The following MIR2052HG variants were observed in gnomAD, a reference collection of about 807,000 sequenced individuals.
MIR2052HG encodes the protein MIR2052 host gene.
chr8:74,698,235 C>A (rs926153358), intron 2 of MIR2052HG, among the ~76,000 whole-genome samples: 9 of 151,742 alleles, frequency 5.9e-5, no homozygotes. Context: ...TTTAACAATA[C>A]AAACAAAAAC....
chr8:74,655,642 AGGCAAAAGTTTGCTGCAGGGGTG>A (rs1450177660), intron 2 of MIR2052HG, among the ~76,000 whole-genome samples: 1 of 152,244 alleles, frequency 6.6e-6, no homozygotes, highest in Admixed American at 6.5e-5. Flanking sequence ...TTGGATGCCC[AGGCAAAAGTTTGCTGCAGGGGTG>A]GGGCCCTTAT....
intron 2 of MIR2052HG, among the ~76,000 whole-genome samples, chr8:74,696,932 G>A (rs61341501): frequency 0.043 from 6,486 of 151,492 alleles, 472 homozygotes; most frequent in African/African-American, 0.15. Context: ...ACTATTCCAC[G>A]AGATAGAGAA....
chr8:74,732,611 G>A (rs1348439343), intron 4 of MIR2052HG, among the ~76,000 whole-genome samples: 1 of 152,072 alleles, frequency 6.6e-6, no homozygotes, highest in Non-Finnish European at 1.5e-5. Flanking sequence ...TAAAAATAAA[G>A]CTGGGAAAAG....
intron 2 of MIR2052HG, among the ~76,000 whole-genome samples, chr8:74,689,888 G>T (rs1206797855): frequency 6.6e-6 from 1 of 152,198 alleles, no homozygotes; most frequent in Non-Finnish European, 1.5e-5. Context: ...GAGACATTTT[G>T]TGACCTCACA....
chr8:74,628,924 T>C (rs1386610600), intron 2 of MIR2052HG: 1 of 152,082 alleles, frequency 6.6e-6, no homozygotes, highest in African/African-American at 2.4e-5. Flanking sequence ...TTTGATGGCA[T>C]AGACAGGAGC....
chr8:74,671,197 G>T (rs1018741620), intron 2 of MIR2052HG, among the ~76,000 whole-genome samples: 1 of 151,754 alleles, frequency 6.6e-6, no homozygotes, highest in Non-Finnish European at 1.5e-5. Flanking sequence ...ATATTTGTAA[G>T]TCTGGTATTA....
chr8:74,658,886 T>A (rs2128736787), intron 2 of MIR2052HG, among the ~76,000 whole-genome samples: 1 of 152,320 alleles, frequency 6.6e-6, no homozygotes, highest in Non-Finnish European at 1.5e-5. Flanking sequence ...GGCAAGTTGT[T>A]TTAACTGGAG....
intron 2 of MIR2052HG, among the ~76,000 whole-genome samples, chr8:74,645,292 T>C (rs890615464): frequency 1.4e-4 from 22 of 152,002 alleles, no homozygotes; most frequent in Admixed American, 3.9e-4. Flanking sequence ...TTCTTTCTTT[T>C]TTTTTTTTTT....
chr8:74,688,459 T>C (rs1809205882), intron 2 of MIR2052HG, among the ~76,000 whole-genome samples: 1 of 152,180 alleles, frequency 6.6e-6, no homozygotes, highest in Admixed American at 6.5e-5. Context: ...ATGATAACAC[T>C]AGTATACACG....
At chr8:74,670,189 G>A (rs1282637694) in intron 2 of MIR2052HG, among the ~76,000 whole-genome samples, 2 of 152,142 alleles carry the variant, frequency 1.3e-5, no homozygotes, top group Non-Finnish European at 2.9e-5. Context: ...CACCTAGTCT[G>A]TGCTACTTTT....
intron 2 of MIR2052HG, among the ~76,000 whole-genome samples, chr8:74,665,857 C>T (rs943639194): frequency 6.6e-6 from 1 of 152,148 alleles, no homozygotes; most frequent in South Asian, 2.1e-4. Context: ...GAATACGTCT[C>T]ACAAAATCTG....
At chr8:74,708,040 A>C (rs1440697281) in intron 4 of MIR2052HG, among the ~76,000 whole-genome samples, 1 of 152,142 alleles carries the variant, frequency 6.6e-6, no homozygotes, top group Non-Finnish European at 1.5e-5. Flanking sequence ...AGTTAAAAAA[A>C]GTAAAGAGGA....
intron 4 of MIR2052HG, among the ~76,000 whole-genome samples, chr8:74,723,246 T>G (rs1388804721): frequency 6.6e-6 from 1 of 152,234 alleles, no homozygotes. Flanking sequence ...GATTCTTATA[T>G]GATAGTCATT....
At chr8:74,683,753 T>C (rs1809150186) in intron 2 of MIR2052HG, among the ~76,000 whole-genome samples, 1 of 152,134 alleles carries the variant, frequency 6.6e-6, no homozygotes, top group African/African-American at 2.4e-5. Context: ...ATTTTATCTT[T>C]ACCTAGATAA....
intron 2 of MIR2052HG, among the ~76,000 whole-genome samples, chr8:74,668,723 C>G (rs1339056943): frequency 1.3e-5 from 2 of 152,180 alleles, no homozygotes; most frequent in African/African-American, 4.8e-5. Context: ...TATCAGCCAC[C>G]TCTTGGAACT....
intron 2 of MIR2052HG, among the ~76,000 whole-genome samples, chr8:74,692,233 G>A (rs563239584): frequency 1.7e-4 from 26 of 152,200 alleles, no homozygotes; most frequent in African/African-American, 6.3e-4. Context: ...TGGAATTACA[G>A]GAGTGCATCA....
intron 2 of MIR2052HG, among the ~76,000 whole-genome samples, chr8:74,658,846 T>G (rs550140433): frequency 6.6e-6 from 1 of 152,324 alleles, no homozygotes; most frequent in African/African-American, 2.4e-5. Context: ...GGCATACATG[T>G]TTGCACCAAG....
intron 4 of MIR2052HG, among the ~76,000 whole-genome samples, chr8:74,722,761 T>C (rs1471527816): frequency 1.3e-5 from 2 of 152,198 alleles, no homozygotes; most frequent in African/African-American, 4.8e-5. Context: ...CTCATTTAAT[T>C]TTCACCAGAA....
Position 74,632,908 on chromosome 8 carries a change from G to A in MIR2052HG, n.216+19968G>A, listed in dbSNP as rs796366436. Among the ~76,000 whole-genome samples the A allele has an allele frequency of 1.1e-4, 16 of 152,224 alleles. 1 individual carries two copies. Among genetic ancestry groups the A allele is most frequent in the African/African-American group, 3.9e-4 (16 of 41,552 alleles). On this transcript the variant is annotated intron_variant and non_coding_transcript_variant, in intron 2 of 6. Transcript: ENST00000523442. ...AGCCAATGACTCCCAGGCTGTCTCT[G>A]TTTTCTGGCTCTCATCTCACCACTC...
Sources: allele counts gnomAD v4.1 joint callset (sites outside exome capture counted in the v4.1 genomes callset), GRCh38; gene constraint gnomAD v4.1.1; transcripts MANE v1.5; gene names NCBI Gene and HGNC (gene_info 2026-07-23, HGNC 2026-07-21).